The following BSN variants were observed in gnomAD, a reference collection of about 807,000 sequenced individuals.
The protein encoded by BSN is protein bassoon.
In BSN, 57 loss-of-function variants were observed where a neutral mutation model predicts 264.8. The ratio of observed to expected loss-of-function variants is 0.22; its 90% CI spans 0.17 to 0.27. The LOEUF is 0.27. BSN is among the 10% of genes least tolerant of loss of function. The probability of loss-of-function intolerance (pLI) is 1.00; values close to 1 mark genes in which losing one functional copy is unlikely to be tolerated. For synonymous variants in BSN, 2,059 were observed against 2,137.3 expected, an observed-to-expected ratio of 0.96 and a Z score of 1.01; for missense variants, 4,615 against 5,232.5, an observed-to-expected ratio of 0.88 and a Z score of 3.64.
chr3:49,653,958 C>A lies in BSN; in HGVS notation c.4402C>A (p.Arg1468=), dbSNP rs140521805. 6.2e-7 allele frequency: 1 copy of A among 1,614,094 alleles called. No individual in the cohort carries two copies. Among genetic ancestry groups the A allele is most frequent in the Middle Eastern group, 1.6e-4 (1 of 6,062 alleles). ...DGEGGTPQPS[R]AYSYFASSSP... ...TGAGGGTGGCACTCCTCAGCCTTCC[C>A]GGGCATATTCCTACTTTGCAAGCTC... The change falls in exon 5 of 12, where the codon CGG becomes AGG. Residue 1468 remains arginine (R), a synonymous_variant. Coordinates refer to ENST00000296452, the MANE Select transcript of BSN (RefSeq NM_003458.4). The surrounding 1 kb of genome is among the most constrained non-coding windows in gnomAD (Gnocchi z 6.3).
chr3:49,662,749 G>A, intron 6 of BSN, 127 bp from the exon 7 acceptor site: 1 of 1,350,744 alleles, frequency 7.4e-7, no homozygotes, highest in Non-Finnish European at 9.9e-7. Flanking sequence ...GGGAGGGTGG[G>A]CTGGGGGCCT....
At chr3:49,554,951 C>G (rs181372356) in intron 1 of BSN, 125 bp downstream of exon 1, 1 of 544,614 alleles carries the variant, frequency 1.8e-6, no homozygotes, top group Admixed American at 4.9e-5. Context: ...TGAACCCTGC[C>G]GGATTGGCGT....
chr3:49,630,392 G>T (rs1182604222), intron 2 of BSN, among the ~76,000 whole-genome samples: 1 of 152,240 alleles, frequency 6.6e-6, no homozygotes, highest in Non-Finnish European at 1.5e-5. Flanking sequence ...TGGGCAGTTT[G>T]CTTTAGAGTA....
At chr3:49,593,888 C>T (rs1271044840) in intron 1 of BSN, among the ~76,000 whole-genome samples, 3 of 150,272 alleles carry the variant, frequency 2.0e-5, no homozygotes, top group Non-Finnish European at 3.0e-5. Flanking sequence ...CTGCAAACTC[C>T]GCCTCCCAGG....
chr3:49,593,798 GT>G (rs1450661606), intron 1 of BSN, among the ~76,000 whole-genome samples: 1 of 121,696 alleles, frequency 8.2e-6, no homozygotes. Flanking sequence ...GTTTTGTTTT[GT>G]TTTTTGTTTT....
At chr3:49,604,307 A>G (rs1394587087) in intron 1 of BSN, among the ~76,000 whole-genome samples, 3 of 152,058 alleles carry the variant, frequency 2.0e-5, no homozygotes, top group African/African-American at 4.8e-5. Context: ...CATCACCACC[A>G]TCCATCTCCA....
At chr3:49,593,793 GTTTTGTT>G (rs1382920869) in intron 1 of BSN, among the ~76,000 whole-genome samples, 9 of 125,838 alleles carry the variant, frequency 7.2e-5, no homozygotes, top group Admixed American at 1.5e-4. Flanking sequence ...TTTTTGTTTT[GTTTTGTT>G]TTTTGTTTTT....
rs768838821 is a variant in BSN at position 49,655,911 on chromosome 3, G to C, written c.6355G>C (p.Gly2119Arg). The change falls in exon 5 of 12, where the codon GGT (glycine) becomes CGT (arginine). Residue 2119 changes from glycine to arginine, a missense_variant. By Grantham distance (125) the Gly-to-Arg change is moderately radical (BLOSUM62 -2). Coordinates refer to ENST00000296452, the MANE Select transcript of BSN (RefSeq NM_003458.4). ...GTATGGTGGGCGGCATGGCAGTGGT[G>C]GTGGTGGCCCTGACCTTGTGCAGTA... ...DQYGGRHGSG[G>R]GGPDLVQYQP... 3 of 1,612,136 alleles carry C rather than the reference G, an allele frequency of 1.9e-6. No individual in the cohort carries two copies. Among genetic ancestry groups the C allele is most frequent in the Middle Eastern group, 3.3e-4 (2 of 6,062 alleles).
chr3:49,568,845 T>C (rs1391909718), intron 1 of BSN, among the ~76,000 whole-genome samples: 2 of 152,200 alleles, frequency 1.3e-5, no homozygotes, highest in Non-Finnish European at 2.9e-5. Flanking sequence ...ATGGTAAATG[T>C]ATAAGTTGTT....
intron 2 of BSN, among the ~76,000 whole-genome samples, chr3:49,627,280 TC>T (rs2052348045): frequency 6.6e-6 from 1 of 152,188 alleles, no homozygotes; most frequent in Non-Finnish European, 1.5e-5. Flanking sequence ...GAGCTGCTGT[TC>T]CATGGCACCC....
chr3:49,621,874 G>A (rs2052309528), intron 1 of BSN, among the ~76,000 whole-genome samples: 1 of 152,166 alleles, frequency 6.6e-6, no homozygotes, highest in South Asian at 2.1e-4. Flanking sequence ...AACCTGGCAA[G>A]TCACCTTGCC....
intron 1 of BSN, among the ~76,000 whole-genome samples, chr3:49,605,332 AAT>A (rs1245883646): frequency 3.3e-5 from 3 of 90,908 alleles, no homozygotes; most frequent in South Asian, 2.8e-4. Flanking sequence ...TATATTTATA[AAT>A]ATATATAATA....
At chr3:49,582,449 A>T (rs922784886) in intron 1 of BSN, among the ~76,000 whole-genome samples, 17 of 152,228 alleles carry the variant, frequency 1.1e-4, no homozygotes, top group Non-Finnish European at 1.6e-4. Context: ...AACTGGAACT[A>T]CAGGCCCAGC....
chr3:49,572,745 G>A (rs1182727136), intron 1 of BSN, among the ~76,000 whole-genome samples: 1 of 152,198 alleles, frequency 6.6e-6, no homozygotes, highest in Non-Finnish European at 1.5e-5. Flanking sequence ...ATGTTAGCCA[G>A]GATGGTCTTG....
intron 1 of BSN, 77 bp downstream of exon 1, chr3:49,554,903 C>A (rs1170728976): frequency 1.1e-6 from 1 of 889,624 alleles, no homozygotes; most frequent in East Asian, 3.9e-5. Context: ...ATCCCGCGAT[C>A]TAGTGTGGAC....
rs370913461 is a variant in BSN, at chr3:49,589,728, A to G, written c.224+34902A>G. On this transcript the variant is annotated intron_variant, in intron 1 of 11. Transcript: ENST00000296452. ...CACCATGTTACCCAGGGTGGTCTCA[A>G]TCTCCTGAGCTCAGGCGATCCAACA... Among the ~76,000 whole-genome samples, 59 of 151,162 alleles carry G rather than the reference A, an allele frequency of 3.9e-4. 1 individual carries two copies. The East Asian group carries it at 6.3e-3, about 16-fold the overall frequency.
Position 49,660,428 on chromosome 3 carries a change from C to A in BSN, c.8641-58C>A, listed in dbSNP as rs2052643992. 6.6e-6 allele frequency: 10 copies of A among 1,511,926 alleles called. No individual in the cohort carries two copies. The highest frequency in any genetic ancestry group is 8.8e-6 in the Non-Finnish European group (10 of 1,131,484). The allele number at this position is 1,511,926 out of a possible 1,614,324, so 93.7% of individuals were successfully genotyped here. A position where few individuals can be genotyped will look rare whatever the true frequency, so the allele number is the denominator to read the frequency against. ...CAGGCCTGGGTTCTGCCACCCCACA[C>A]CCCATCAAGTCACCACACCTTGGGT... On this transcript the variant is annotated intron_variant, in intron 5 of 11. Coordinates refer to ENST00000296452, the MANE Select transcript of BSN (RefSeq NM_003458.4). This position sits in a 1 kb window ranked among gnomAD's most constrained non-coding sequence, Gnocchi z 7.1.
chr3:49,586,076 C>G (rs114649319), intron 1 of BSN, among the ~76,000 whole-genome samples: 1,804 of 151,994 alleles, frequency 0.012, 27 homozygotes, highest in Middle Eastern at 0.031. Context: ...TTGATTGTAT[C>G]CTTTGCTGTG....
At chr3:49,606,757 A>G (rs1433996831) in intron 1 of BSN, among the ~76,000 whole-genome samples, 1 of 151,996 alleles carries the variant, frequency 6.6e-6, no homozygotes, top group Non-Finnish European at 1.5e-5. Context: ...CTATCAAGCT[A>G]CCTTGAGTCC....
Sources: allele counts gnomAD v4.1 joint callset (sites outside exome capture counted in the v4.1 genomes callset), GRCh38; gene constraint gnomAD v4.1.1; non-coding constraint Gnocchi (gnomAD v3.1); transcripts MANE v1.5; gene names NCBI Gene and HGNC (gene_info 2026-07-23, HGNC 2026-07-21).